Variants in CTTNBP2 observed in about 807,000 individuals in gnomAD.
The protein encoded by CTTNBP2 is cortactin-binding protein 2.
In CTTNBP2, 108 loss-of-function variants were observed where a neutral mutation model predicts 156.9. The observed-to-expected ratio is 0.69, with a 90% CI of 0.59 to 0.81. CTTNBP2 has a LOEUF of 0.81. Among genes scored for constraint, CTTNBP2 ranks in the 30% least tolerant of loss-of-function variants. The probability of loss-of-function intolerance (pLI) is 0.00; values close to 1 mark genes in which losing one functional copy is unlikely to be tolerated. For missense variants in CTTNBP2, 1,924 were observed against 2,035.4 expected, an observed-to-expected ratio of 0.95 and a Z score of 1.05; for synonymous variants, 767 against 751.8, an observed-to-expected ratio of 1.02 and a Z score of -0.33.
intron 20 of CTTNBP2, among the ~76,000 whole-genome samples, chr7:117,720,445 C>T (rs1309215705): frequency 6.6e-6 from 1 of 152,096 alleles, no homozygotes; most frequent in African/African-American, 2.4e-5. Context: ...CCTGTAATCC[C>T]AGCACTTTGG....
At chr7:117,743,430 T>A (rs909804741) in intron 14 of CTTNBP2, among the ~76,000 whole-genome samples, 2 of 151,976 alleles carry the variant, frequency 1.3e-5, no homozygotes, top group African/African-American at 2.4e-5. Flanking sequence ...GGGGTTTGAG[T>A]TCCGTTTTAT....
intron 4 of CTTNBP2, among the ~76,000 whole-genome samples, chr7:117,789,787 C>G (rs1267343970): frequency 6.6e-6 from 1 of 152,138 alleles, no homozygotes; most frequent in Non-Finnish European, 1.5e-5. Flanking sequence ...AACAGCCACC[C>G]TCCCCCATAT....
intron 2 of CTTNBP2, among the ~76,000 whole-genome samples, chr7:117,830,415 A>G (rs1177748140): frequency 1.3e-5 from 2 of 152,216 alleles, no homozygotes; most frequent in Non-Finnish European, 2.9e-5. Context: ...ATGATATATT[A>G]AGAATCTACC....
intron 2 of CTTNBP2, among the ~76,000 whole-genome samples, chr7:117,819,575 A>G (rs1311255582): frequency 6.6e-6 from 1 of 152,130 alleles, no homozygotes; most frequent in East Asian, 1.9e-4. Flanking sequence ...TTAAATGAGA[A>G]AAGAACGGAA....
chr7:117,762,911 T>G (rs1162896531), intron 9 of CTTNBP2, among the ~76,000 whole-genome samples: 1 of 152,212 alleles, frequency 6.6e-6, no homozygotes, highest in African/African-American at 2.4e-5. Context: ...GGAATGCTGC[T>G]ACCTCAGGCC....
intron 3 of CTTNBP2, among the ~76,000 whole-genome samples, chr7:117,799,464 T>TAAA (rs568543909): frequency 0.02 from 2,945 of 146,302 alleles, 34 homozygotes; most frequent in South Asian, 0.035. Context: ...CCATTCATGA[T>TAAA]AAAAAAAAAA....
intron 2 of CTTNBP2, among the ~76,000 whole-genome samples, chr7:117,814,426 T>G (rs1800460189): frequency 6.6e-6 from 1 of 152,152 alleles, no homozygotes; most frequent in Non-Finnish European, 1.5e-5. Flanking sequence ...AACATAAAAC[T>G]GCCTATTTAT....
intron 9 of CTTNBP2, among the ~76,000 whole-genome samples, chr7:117,761,307 T>A (rs1293236002): frequency 6.6e-6 from 1 of 152,256 alleles, no homozygotes; most frequent in East Asian, 1.9e-4. Flanking sequence ...TATTCTTATG[T>A]GGTAAATACC....
chr7:117,844,308 G>C (rs1802449022), intron 2 of CTTNBP2, among the ~76,000 whole-genome samples: 1 of 152,182 alleles, frequency 6.6e-6, no homozygotes, highest in African/African-American at 2.4e-5. Flanking sequence ...CAGGACGTTT[G>C]TGATAATTTG....
chr7:117,866,443 G>A (rs1343742884), intron 1 of CTTNBP2, among the ~76,000 whole-genome samples: 6 of 152,094 alleles, frequency 3.9e-5, no homozygotes, highest in Non-Finnish European at 7.3e-5. Flanking sequence ...GGATATGTTG[G>A]TGACCAAACA....
intron 14 of CTTNBP2, among the ~76,000 whole-genome samples, chr7:117,740,277 T>A (rs1795924441): frequency 6.6e-6 from 1 of 151,846 alleles, no homozygotes; most frequent in Non-Finnish European, 1.5e-5. Flanking sequence ...AAGTTTTAGA[T>A]TCTTAAACCT....
chr7:117,744,374 A>G (rs1796199076), intron 14 of CTTNBP2, among the ~76,000 whole-genome samples: 1 of 151,936 alleles, frequency 6.6e-6, no homozygotes, highest in Non-Finnish European at 1.5e-5. Context: ...TCTACTCTCT[A>G]TCTCCATGAA....
At chr7:117,796,399 T>C (rs896455774) in intron 3 of CTTNBP2, among the ~76,000 whole-genome samples, 5 of 152,338 alleles carry the variant, frequency 3.3e-5, no homozygotes, top group Admixed American at 2.0e-4. Flanking sequence ...AGAGATGTAG[T>C]ACAAAATAAC....
intron 21 of CTTNBP2, among the ~76,000 whole-genome samples, 176 bp from the exon 22 acceptor site, chr7:117,718,295 C>G (rs781155298): frequency 6.6e-6 from 1 of 151,992 alleles, no homozygotes; most frequent in Non-Finnish European, 1.5e-5. Flanking sequence ...GTAAAACTGA[C>G]AGCAAATGCA....
intron 3 of CTTNBP2, among the ~76,000 whole-genome samples, chr7:117,802,733 C>T (rs1402285436): frequency 1.3e-5 from 2 of 152,106 alleles, no homozygotes; most frequent in African/African-American, 4.8e-5. Context: ...AGGACATGAA[C>T]AGACATTTCT....
At chr7:117,723,741 G>C (rs2079178) in intron 19 of CTTNBP2, among the ~76,000 whole-genome samples, 27,656 of 149,792 alleles carry the variant, frequency 0.18, 2,765 homozygotes, top group Non-Finnish European at 0.22. Context: ...TAAACTCGAT[G>C]ACGGCAGGAT....
chr7:117,766,958 T>G, intron 9 of CTTNBP2, 101 bp downstream of exon 9: 2 of 740,528 alleles, frequency 2.7e-6, no homozygotes, highest in South Asian at 1.6e-5. Flanking sequence ...TCCAAAAAGG[T>G]TAAAAAGGAC....
intron 4 of CTTNBP2, among the ~76,000 whole-genome samples, chr7:117,790,233 C>A (rs978239009): frequency 5.9e-5 from 9 of 152,286 alleles, no homozygotes; most frequent in South Asian, 2.1e-4. Context: ...ATGGACTTTG[C>A]AGTTAGTCAG....
At chr7:117,809,017 A>G (rs985436153) in intron 3 of CTTNBP2, among the ~76,000 whole-genome samples, 4 of 152,206 alleles carry the variant, frequency 2.6e-5, no homozygotes, top group Non-Finnish European at 5.9e-5. Flanking sequence ...GACACAGCCA[A>G]TGAAGTTGGC....
Sources: allele counts gnomAD v4.1 joint callset (sites outside exome capture counted in the v4.1 genomes callset), GRCh38; gene constraint gnomAD v4.1.1; transcripts MANE v1.5; gene names NCBI Gene and HGNC (gene_info 2026-07-23, HGNC 2026-07-21).